Variants in AMPH observed in about 807,000 individuals in gnomAD.
AMPH encodes the protein amphiphysin.
A neutral mutation model predicts 99.1 loss-of-function variants in AMPH; 49 were observed. The ratio of observed to expected loss-of-function variants is 0.49; its 90% CI spans 0.39 to 0.63. The LOEUF (loss-of-function observed/expected upper bound fraction) is 0.63. Ranked by LOEUF, AMPH falls within the 20% of genes least tolerant of loss-of-function variation. AMPH has a pLI of 0.00. For missense variants in AMPH, 759 were observed against 863.4 expected (o/e 0.88, Z 1.52); for synonymous variants, 314 against 317.3 (o/e 0.99, Z 0.11).
At chr7:38,579,378 C>T (rs548246139) in intron 1 of AMPH, among the ~76,000 whole-genome samples, 1 of 152,206 alleles carries the variant, frequency 6.6e-6, no homozygotes, top group Admixed American at 6.5e-5. Flanking sequence ...CTTTCCCTTC[C>T]AGTGCCATTC....
At chr7:38,574,875 G>A (rs1396504082) in intron 1 of AMPH, among the ~76,000 whole-genome samples, 4 of 151,842 alleles carry the variant, frequency 2.6e-5, no homozygotes, top group African/African-American at 9.7e-5. Context: ...TCAACATGGT[G>A]AAACCCCGTC....
In AMPH at chr7:38,432,186, T is replaced by C; in HGVS notation, c.1158+3A>G. 6.2e-7 allele frequency: 1 copy of C among 1,612,318 alleles called. No homozygotes were observed. On this transcript the variant is annotated splice_donor_region_variant and intron_variant, in intron 13 of 20. Coordinates refer to ENST00000356264, the MANE Select transcript of AMPH (RefSeq NM_001635.4). ...TGAAAAAACAGAGTTATTAGTGGCTTACCGTCCATAGGTCCCAGGGCAATG... is the reference window on the plus strand; with the variant it reads ...TGAAAAAACAGAGTTATTAGTGGCTCACCGTCCATAGGTCCCAGGGCAATG...
At chr7:38,594,526 C>A (rs1431259251) in intron 1 of AMPH, among the ~76,000 whole-genome samples, 1 of 152,086 alleles carries the variant, frequency 6.6e-6, no homozygotes, top group African/African-American at 2.4e-5. Flanking sequence ...GGTTAAGAGA[C>A]CTGAGACTCA....
intron 1 of AMPH, among the ~76,000 whole-genome samples, chr7:38,603,255 G>A (rs1793314955): frequency 6.8e-6 from 1 of 147,612 alleles, no homozygotes; most frequent in African/African-American, 2.5e-5. Context: ...GGTGGAGGTT[G>A]CAGTGAGCCA....
At chr7:38,600,671 T>G (rs190038151) in intron 1 of AMPH, among the ~76,000 whole-genome samples, 1 of 152,214 alleles carries the variant, frequency 6.6e-6, no homozygotes, top group Non-Finnish European at 1.5e-5. Context: ...TTAAATGATA[T>G]GCTAAATATT....
intron 2 of AMPH, among the ~76,000 whole-genome samples, chr7:38,519,583 ATTAT>A (rs1789876264): frequency 1.3e-5 from 2 of 152,240 alleles, no homozygotes; most frequent in Admixed American, 6.5e-5. Flanking sequence ...CATAATTAAA[ATTAT>A]TTATTTTATT....
At chr7:38,612,274 C>T (rs989120840) in intron 1 of AMPH, among the ~76,000 whole-genome samples, 2 of 151,848 alleles carry the variant, frequency 1.3e-5, no homozygotes, top group Non-Finnish European at 2.9e-5. Context: ...CGGGGATTTT[C>T]CATGTTGGTC....
chr7:38,474,118 G>A (rs1787995569), intron 7 of AMPH, among the ~76,000 whole-genome samples: 1 of 152,070 alleles, frequency 6.6e-6, no homozygotes, highest in African/African-American at 2.4e-5. Flanking sequence ...TGGGACCAGA[G>A]AAAGGGAGAG....
intron 7 of AMPH, among the ~76,000 whole-genome samples, chr7:38,472,274 G>C (rs1787914035): frequency 6.6e-6 from 1 of 152,112 alleles, no homozygotes; most frequent in Admixed American, 6.6e-5. Flanking sequence ...TCAAGGTTGA[G>C]TAATATGGCT....
intron 15 of AMPH, among the ~76,000 whole-genome samples, chr7:38,422,865 C>T (rs1272632813): frequency 3.9e-5 from 6 of 152,190 alleles, no homozygotes; most frequent in African/African-American, 1.4e-4. Flanking sequence ...AGCAAACTGC[C>T]GAGCTTGGCC....
chr7:38,419,798 C>T (rs527902208), intron 16 of AMPH, among the ~76,000 whole-genome samples: 5 of 152,148 alleles, frequency 3.3e-5, no homozygotes, highest in South Asian at 2.1e-4. Flanking sequence ...GAAGTAAGAT[C>T]GAAGCCAGAT....
rs748110437 is a variant in AMPH at position 38,491,055 on chromosome 7, T to C, written c.391A>G (p.Ile131Val). The C allele has an allele frequency of 1.2e-6, 2 of 1,605,718 alleles. No homozygotes were observed. The highest frequency in any genetic ancestry group is 1.1e-5 in the South Asian group (1 of 90,862). Residue 131 changes from isoleucine (I) to valine (V), a missense_variant, in exon 5 of 21, where the codon ATA becomes GTA. By Grantham distance (29) the Ile-to-Val change is conservative. Around this residue, in one of 2 missense-constraint regions of AMPH, gnomAD observed 205 missense variants for 287.9 expected, o/e 0.71. Transcript: ENST00000356264. ...ATAGACACAGAGTAAAATACCTTTA[T>C]GTCAGGAAATTGCCCCAGGTAGGTA... The part of the protein sequence containing the change: ...LDTYLGQFPD[I>V]KNRIAKRSRK...
intron 1 of AMPH, among the ~76,000 whole-genome samples, chr7:38,591,057 G>A (rs761671747): frequency 1.3e-5 from 2 of 152,020 alleles, no homozygotes; most frequent in Non-Finnish European, 2.9e-5. Flanking sequence ...ATTTTGAGAG[G>A]GAATCTTCTC....
At chr7:38,443,547 A>G (rs1375295364) in intron 11 of AMPH, among the ~76,000 whole-genome samples, 1 of 152,188 alleles carries the variant, frequency 6.6e-6, no homozygotes, top group Non-Finnish European at 1.5e-5. Flanking sequence ...ATGGTTTACC[A>G]TTGGAAAACC....
At chr7:38,563,593 A>G (rs896158614) in intron 1 of AMPH, among the ~76,000 whole-genome samples, 2 of 152,204 alleles carry the variant, frequency 1.3e-5, no homozygotes, top group African/African-American at 4.8e-5. Flanking sequence ...CTCAGTAAAT[A>G]TTTGGGGAAT....
At chr7:38,531,742 T>C (rs970500158) in intron 2 of AMPH, among the ~76,000 whole-genome samples, 1 of 152,224 alleles carries the variant, frequency 6.6e-6, no homozygotes, top group Non-Finnish European at 1.5e-5. Context: ...GTCAGGGGAC[T>C]ATAATACAAT....
chr7:38,587,914 C>CTCTG (rs1331025058), intron 1 of AMPH, among the ~76,000 whole-genome samples: 4,324 of 126,132 alleles, frequency 0.034, 66 homozygotes, highest in Middle Eastern at 0.063. Flanking sequence ...TTATTAATTA[C>CTCTG]TGTGTGTGTG....
intron 20 of AMPH, among the ~76,000 whole-genome samples, chr7:38,387,686 G>T (rs1389522344): frequency 6.6e-6 from 1 of 150,564 alleles, no homozygotes; most frequent in Non-Finnish European, 1.5e-5. Context: ...AGAACAAAGA[G>T]AATAATTCAG....
At chr7:38,435,578 CTAACTA>C (rs1786228041) in intron 12 of AMPH, among the ~76,000 whole-genome samples, 1 of 152,184 alleles carries the variant, frequency 6.6e-6, no homozygotes, top group Non-Finnish European at 1.5e-5. Context: ...CAGTTGTAAA[CTAACTA>C]TATTTCAGAG....
Sources: allele counts gnomAD v4.1 joint callset (sites outside exome capture counted in the v4.1 genomes callset), GRCh38; gene constraint gnomAD v4.1.1; regional missense constraint gnomAD v4.1.1; transcripts MANE v1.5; gene names NCBI Gene and HGNC (gene_info 2026-07-23, HGNC 2026-07-21).